COL6A6: variants seen among roughly 807,000 people sequenced by gnomAD.
The protein encoded by COL6A6 is collagen type VI alpha 6 chain.
COL6A6 carries 183 observed loss-of-function variants against 208.6 expected under a neutral mutation model. That is an observed-to-expected ratio of 0.88 (90% confidence interval 0.78 to 0.99). The LOEUF (loss-of-function observed/expected upper bound fraction) is 0.99, where lower values mean the gene tolerates loss of function less well. COL6A6 is among the 50% of genes least tolerant of loss of function. The probability of loss-of-function intolerance (pLI) is 0.00; values close to 1 mark genes in which losing one functional copy is unlikely to be tolerated. For missense variants in COL6A6, 2,816 were observed against 2,815.2 expected (o/e 1.00, Z -0.01); for synonymous variants, 973 against 1,011.8 (o/e 0.96, Z 0.73).
At chr3:130,550,397 T>C (rs1198919168) in intron 1 of COL6A6, among the ~76,000 whole-genome samples, 3 of 152,212 alleles carry the variant, frequency 2.0e-5, no homozygotes, top group Non-Finnish European at 4.4e-5. Context: ...TCAAGGGGAA[T>C]GCTTCCAGCT....
chr3:130,658,533 G>A (rs1050314465), intron 33 of COL6A6, 143 bp from the exon 34 acceptor site: 1 of 612,168 alleles, frequency 1.6e-6, no homozygotes. Flanking sequence ...AGAGCTCTTA[G>A]CCATGCTTAC....
At chr3:130,591,364 T>C (rs906758556) in intron 13 of COL6A6, among the ~76,000 whole-genome samples, 7 of 152,230 alleles carry the variant, frequency 4.6e-5, no homozygotes, top group Admixed American at 6.5e-5. Flanking sequence ...GAATCACTGC[T>C]GTTTCCCCCA....
At chr3:130,638,534 G>C (rs1454160650) in intron 28 of COL6A6, among the ~76,000 whole-genome samples, 5 of 152,156 alleles carry the variant, frequency 3.3e-5, no homozygotes, top group Non-Finnish European at 1.5e-5. Flanking sequence ...TTGGATCTCT[G>C]CTTCTCATTC....
chr3:130,645,012 C>G lies in COL6A6; in HGVS notation c.5239+10C>G, dbSNP rs745524915. The G allele has an allele frequency of 6.2e-7, 1 of 1,610,822 alleles. No homozygotes were observed. On this transcript the variant is annotated intron_variant, in intron 32 of 36. Coordinates refer to ENST00000358511, the MANE Select transcript of COL6A6 (RefSeq NM_001102608.3). ...CCAGCTGGCAGGCATGGTGAGTAAT[C>G]TTTATTTACAGCATGCTTTAATCAA...
At position 130,656,916 on chromosome 3, in the gene COL6A6, G is replaced by C. The variant is rs76455060; in HGVS notation, c.5734-1760G>C. The stretch of plus-strand genomic sequence containing the variant: ...TCAACTTTGCTCCAAGATCAGAGCA[G>C]GTGCTGGAGCAGAGAGAGGCTAGGT... On this transcript the variant is annotated intron_variant, in intron 33 of 36. Coordinates refer to ENST00000358511, the MANE Select transcript of COL6A6 (RefSeq NM_001102608.3). Among the ~76,000 whole-genome samples the C allele has an allele frequency of 3.5e-3, 526 of 152,388 alleles. 18 individuals are homozygous for C. In the East Asian group the frequency reaches 0.076, roughly 22 times the overall value.
chr3:130,563,225 A>G lies in COL6A6; in HGVS notation c.222A>G (p.Lys74=). 6.2e-7 allele frequency: 1 copy of G among 1,613,980 alleles called. No individual in the cohort carries two copies. Among genetic ancestry groups the G allele is most frequent in the Non-Finnish European group, 8.5e-7 (1 of 1,179,888 alleles). The stretch of plus-strand genomic sequence containing the variant: ...TGGCCCTGGCCCAGTACAGTGATAA[A>G]CTTCACAGTGAATTCCACCTGAGCA... ...YRVALAQYSD[K]LHSEFHLSTF... The change falls in exon 3 of 37, where the codon AAA becomes AAG. Residue 74 remains lysine, a synonymous_variant. Coordinates refer to ENST00000358511, the MANE Select transcript of COL6A6 (RefSeq NM_001102608.3).
intron 18 of COL6A6, 108 bp downstream of exon 18, chr3:130,594,451 C>A: frequency 1.3e-6 from 1 of 793,954 alleles, no homozygotes; most frequent in Non-Finnish European, 2.1e-6. Flanking sequence ...GTTTAAAACA[C>A]CACAGGCATG....
chr3:130,570,788 A>C lies in COL6A6; in HGVS notation c.2402-30A>C, dbSNP rs548060130. ...TCCCATGCTGTCCAAAGCTAATCTC[A>C]TATGGTTTACCTCTCTCTTCCTCTT... On this transcript the variant is annotated intron_variant, in intron 6 of 36. Transcript: ENST00000358511. The C allele has an allele frequency of 7.1e-6, 11 of 1,558,468 alleles. No individual in the cohort carries two copies. The East Asian group carries it at 1.8e-4, about 25-fold the overall frequency.
At chr3:130,651,702 T>A (rs112703425) in intron 33 of COL6A6, among the ~76,000 whole-genome samples, 1 of 152,250 alleles carries the variant, frequency 6.6e-6, no homozygotes, top group Non-Finnish European at 1.5e-5. Context: ...GCTAAAAAAT[T>A]CAATAAGTGA....
At chr3:130,583,086 T>A (rs1343574183) in intron 10 of COL6A6, among the ~76,000 whole-genome samples, 1 of 152,216 alleles carries the variant, frequency 6.6e-6, no homozygotes, top group African/African-American at 2.4e-5. Context: ...AATCCTTATC[T>A]CAAACTCTGT....
intron 7 of COL6A6, among the ~76,000 whole-genome samples, chr3:130,572,411 GT>G (rs1260532108): frequency 2.0e-5 from 3 of 150,136 alleles, no homozygotes; most frequent in African/African-American, 7.6e-5. Context: ...GATACTAAAT[GT>G]TTTTACTAGA....
At chr3:130,602,514 T>A (rs550345295) in intron 20 of COL6A6, among the ~76,000 whole-genome samples, 2 of 152,300 alleles carry the variant, frequency 1.3e-5, no homozygotes, top group East Asian at 3.9e-4. Flanking sequence ...TGGCAAATAG[T>A]TCTCCAGGGT....
rs755241551 is a variant in COL6A6, at chr3:130,571,136, T to A, written c.2720T>A (p.Leu907Gln). The stretch of plus-strand genomic sequence containing the variant: ...TTCACTGAAGCCCGGGGCAGCCGCC[T>A]GAACAAGGGGGTCCCCCAAGTCCTC... ...HMFTEARGSR[L>Q]NKGVPQVLIV... is the part of the protein sequence containing the mutation. The change falls in exon 7 of 37, where the codon CTG becomes CAG. Residue 907 changes from leucine to glutamine, a missense_variant. Leu to Gln is a moderately radical substitution (Grantham distance 113, BLOSUM62 -2). Coordinates refer to ENST00000358511, the MANE Select transcript of COL6A6 (RefSeq NM_001102608.3). 5 of 1,613,650 alleles carry A rather than the reference T, an allele frequency of 3.1e-6. No individual in the cohort carries two copies. The African/African-American group carries it at 6.7e-5, about 22-fold the overall frequency.
rs181706253 is a variant in COL6A6 at position 130,668,404 on chromosome 3, G to A, written c.6596+3308G>A. ...GAGGCAGGAGAATCGCTTGAACCCAGGAGACAGGGGTTGCAGTGAGCCAAG... is the reference window on the plus strand; with the variant it reads ...GAGGCAGGAGAATCGCTTGAACCCAAGAGACAGGGGTTGCAGTGAGCCAAG... On this transcript the variant is annotated intron_variant, in intron 36 of 36. Transcript: ENST00000358511. 3.8e-3 allele frequency among the ~76,000 whole-genome samples: 582 copies of A among 152,224 alleles called. 3 individuals are homozygous for A. The highest frequency in any genetic ancestry group is 6.4e-3 in the Non-Finnish European group (434 of 68,020).
chr3:130,531,175 A>C (rs775750849), intron 1 of COL6A6, among the ~76,000 whole-genome samples: 2 of 151,530 alleles, frequency 1.3e-5, no homozygotes, highest in Non-Finnish European at 2.9e-5. Context: ...GTGTAGGTCC[A>C]GGCTTTTCAA....
rs1255506761 is a variant in COL6A6 at position 130,591,201 on chromosome 3, TC to T, written c.4272+108del. ...GCAAGAAAGGTGAGATTCTAAGGATTCGTGTACAGAATCTCAGATCTTCTTT... is the reference window on the plus strand; with the variant it reads ...GCAAGAAAGGTGAGATTCTAAGGATTGTGTACAGAATCTCAGATCTTCTTT... On this transcript the variant is annotated intron_variant, in intron 13 of 36. Coordinates refer to ENST00000358511, the MANE Select transcript of COL6A6 (RefSeq NM_001102608.3). 3.6e-6 allele frequency: 3 copies of T among 831,124 alleles called. No homozygotes were observed. In the East Asian group the frequency reaches 7.9e-5, roughly 22 times the overall value. The allele number at this position is 831,124 out of a possible 1,614,324, so 51.5% of individuals were successfully genotyped here.
rs546794841 is a variant in COL6A6, at chr3:130,611,811, G to A, written c.4815+1100G>A. Among the ~76,000 whole-genome samples, 10 of 152,240 alleles carry A rather than the reference G, an allele frequency of 6.6e-5. 1 individual carries two copies. The South Asian group carries it at 2.1e-3, about 32-fold the overall frequency. Reference sequence around the variant, plus strand: ...ATTATAATTTGTATTTTAGGTCTAGGTGTACACGTGCAGGTTGGTTATGCA... The same window carrying A: ...ATTATAATTTGTATTTTAGGTCTAGATGTACACGTGCAGGTTGGTTATGCA... On this transcript the variant is annotated intron_variant, in intron 23 of 36. Transcript: ENST00000358511.
At position 130,658,781 on chromosome 3, in the gene COL6A6, C is replaced by T; in HGVS notation, c.5830+9C>T. Reference sequence around the variant, plus strand: ...GTGCACTTTCTGCTATGGTAAGACCCACAGAGAGAAGGTAATTTGGTCAGG... The same window carrying T: ...GTGCACTTTCTGCTATGGTAAGACCTACAGAGAGAAGGTAATTTGGTCAGG... On this transcript the variant is annotated intron_variant, in intron 34 of 36. Transcript: ENST00000358511. 6.3e-7 allele frequency: 1 copy of T among 1,599,726 alleles called. No homozygotes were observed. The highest frequency in any genetic ancestry group is 1.7e-5 in the Admixed American group (1 of 59,464).
chr3:130,672,227 T>A (rs2066235822), intron 36 of COL6A6, among the ~76,000 whole-genome samples: 1 of 152,168 alleles, frequency 6.6e-6, no homozygotes, highest in Non-Finnish European at 1.5e-5. Context: ...TTATCTAGAA[T>A]TTGTCACATC....
Sources: allele counts gnomAD v4.1 joint callset (sites outside exome capture counted in the v4.1 genomes callset), GRCh38; gene constraint gnomAD v4.1.1; transcripts MANE v1.5; gene names NCBI Gene and HGNC (gene_info 2026-07-23, HGNC 2026-07-21).